CIROP: variants seen among roughly 807,000 people sequenced by gnomAD.
CIROP encodes the protein ciliated left-right organizer metallopeptidase, also known as leishmanolysin homolog.
At chr14:23,101,827 A>T in the CIROP span, 1 of 702,416 alleles carries the variant, frequency 1.4e-6, no homozygotes, top group Non-Finnish European at 2.6e-6. Flanking sequence ...TCCCCTAACC[A>T]CTCAGCACAC....
chr14:23,103,968 T>C, the CIROP span: 1 of 591,794 alleles, frequency 1.7e-6, no homozygotes, highest in Non-Finnish European at 3.0e-6. Flanking sequence ...ACCCCCAGTC[T>C]CTGATTTAAT....
chr14:23,101,889 C>G, the CIROP span: 1 of 702,436 alleles, frequency 1.4e-6, no homozygotes, highest in Admixed American at 2.0e-5. Context: ...ATGTGGTCAC[C>G]AAGCCAAATT....
chr14:23,100,609 GCAGC>G, the CIROP span: 1 of 401,094 alleles, frequency 2.5e-6, no homozygotes, highest in East Asian at 3.6e-5. Flanking sequence ...AAGGCCCTTG[GCAGC>G]CAGGGGACTT....
the CIROP span, chr14:23,102,357 G>A: frequency 3.1e-5 from 22 of 702,352 alleles, no homozygotes; most frequent in African/African-American, 2.4e-4. Context: ...TTCTTCCAAG[G>A]GAACACCCAG....
the CIROP span, chr14:23,103,456 A>G: frequency 2.0e-6 from 1 of 500,666 alleles, no homozygotes; most frequent in Non-Finnish European, 3.5e-6. Flanking sequence ...CAGGAGGCTG[A>G]GATGGGAGGA....
chr14:23,104,185 C>T, the CIROP span: 21 of 604,718 alleles, frequency 3.5e-5, no homozygotes, highest in South Asian at 1.6e-4. Flanking sequence ...TATCTCTCTG[C>T]GTATCCCCCC....
At chr14:23,099,403 C>T in the CIROP span, 1 of 413,442 alleles carries the variant, frequency 2.4e-6, no homozygotes, top group Non-Finnish European at 4.4e-6. Context: ...TCCCATTACA[C>T]CCACCAGGAT....
the CIROP span, chr14:23,102,848 A>C: frequency 4.8e-6 from 3 of 630,186 alleles, no homozygotes; most frequent in African/African-American, 5.5e-5. Context: ...GGGTTCTTTG[A>C]CTTAATGGGA....
At chr14:23,102,330 G>A in the CIROP span, 1 of 702,068 alleles carries the variant, frequency 1.4e-6, no homozygotes, top group East Asian at 2.7e-5. Context: ...ACCCCAAGGT[G>A]TTCTCATTCT....
the CIROP span, chr14:23,104,643 G>T: frequency 1.4e-6 from 1 of 702,920 alleles, no homozygotes; most frequent in Non-Finnish European, 2.6e-6. Flanking sequence ...TCTCACTGCG[G>T]CCAGGGCTCG....
the CIROP span, chr14:23,103,891 G>C: frequency 1.7e-5 from 11 of 652,106 alleles, no homozygotes; most frequent in African/African-American, 1.8e-4. Flanking sequence ...GAGTAGGGGA[G>C]AATGAATCTC....
the CIROP span, chr14:23,099,288 C>T: frequency 2.4e-6 from 1 of 413,458 alleles, no homozygotes; most frequent in Non-Finnish European, 4.4e-6. Context: ...AACATCACAC[C>T]TCCCTTATTC....
the CIROP span, chr14:23,102,297 G>T: frequency 5.7e-6 from 4 of 702,610 alleles, no homozygotes; most frequent in South Asian, 5.9e-5. Flanking sequence ...CTGGTTGTTA[G>T]CTGGCTACTC....
chr14:23,100,105 A>AT, the CIROP span: 1 of 159,820 alleles, frequency 6.3e-6, no homozygotes, highest in African/African-American at 2.4e-5. Context: ...AAATACAAAA[A>AT]TTAGCTGGCA....
At chr14:23,103,759 C>A in the CIROP span, 7 of 702,834 alleles carry the variant, frequency 1.0e-5, 1 homozygote, top group South Asian at 5.9e-5. Flanking sequence ...CTGGCTGGAC[C>A]AGTTGTGGGG....
At chr14:23,102,515 G>A in the CIROP span, 4 of 699,014 alleles carry the variant, frequency 5.7e-6, no homozygotes, top group African/African-American at 1.7e-5. Flanking sequence ...AAGGCAGTAC[G>A]AGGAGAGGAA....
the CIROP span, chr14:23,101,308 G>T: frequency 2.0e-6 from 1 of 508,098 alleles, no homozygotes; most frequent in South Asian, 3.7e-5. Context: ...AACCTTTCCA[G>T]GAAGGCATGG....
chr14:23,101,876 C>T, the CIROP span: 12 of 702,552 alleles, frequency 1.7e-5, no homozygotes, highest in South Asian at 1.8e-4. Flanking sequence ...GAGCCAGTCC[C>T]ACATGTGGTC....
chr14:23,102,628 C>A, the CIROP span: 2 of 703,058 alleles, frequency 2.8e-6, no homozygotes, highest in Non-Finnish European at 5.2e-6. Context: ...CTCTCATTTA[C>A]CACTGAATCC....
Sources: allele counts gnomAD v4.1 joint callset, GRCh38; gene constraint gnomAD v4.1.1; transcripts MANE v1.5; gene names NCBI Gene and HGNC (gene_info 2026-07-23, HGNC 2026-07-21).